ASPM: variants seen among roughly 807,000 people sequenced by gnomAD.
The protein encoded by ASPM is assembly factor for spindle microtubules.
In ASPM, 256 loss-of-function variants were observed where a neutral mutation model predicts 366.4. That is an observed-to-expected ratio of 0.70 (90% confidence interval 0.63 to 0.77). ASPM has a LOEUF of 0.77. ASPM is among the 30% of genes least tolerant of loss of function. ASPM has a pLI of 0.00. For synonymous variants in ASPM, 1,414 were observed against 1,342.9 expected (o/e 1.05, Z -1.16); for missense variants, 4,146 against 4,090.4 (o/e 1.01, Z -0.37).
intron 5 of ASPM, 58 bp downstream of exon 5, chr1:197,135,038 T>G: frequency 7.8e-7 from 1 of 1,275,962 alleles, no homozygotes; most frequent in South Asian, 1.3e-5. Context: ...ACAAACGATG[T>G]TAAAAATCTT....
chr1:197,144,116 T>C lies in ASPM; in HGVS notation c.298-16A>G. 1 of 1,540,520 alleles carries C rather than the reference T, an allele frequency of 6.5e-7. No individual in the cohort carries two copies. The highest frequency in any genetic ancestry group is 9.0e-7 in the Non-Finnish European group (1 of 1,114,092). On this transcript the variant is annotated splice_polypyrimidine_tract_variant and intron_variant, in intron 1 of 27. Coordinates refer to ENST00000367409, the MANE Select transcript of ASPM (RefSeq NM_018136.5). ...TCTCTTTAGGCTATAATCAAAACAA[T>C]ACATTATATAATTACAATAGTAATT...
chr1:197,121,815 T>C, intron 16 of ASPM, 100 bp downstream of exon 16: 1 of 1,385,566 alleles, frequency 7.2e-7, no homozygotes, highest in Non-Finnish European at 1.0e-6. Context: ...ATCTTAATAA[T>C]GCCATACATC....
rs1012940013 is a variant in ASPM at position 197,139,697 on chromosome 1, C to T, written c.2026+70G>A. On this transcript the variant is annotated intron_variant, in intron 4 of 27. Coordinates refer to ENST00000367409, the MANE Select transcript of ASPM (RefSeq NM_018136.5). ...TCAACAACAAAAATCAATTCATTTCCATGTGAAATGCAATTAATGCTTCAT... is the reference window on the plus strand; with the variant it reads ...TCAACAACAAAAATCAATTCATTTCTATGTGAAATGCAATTAATGCTTCAT... 1.0e-5 allele frequency: 12 copies of T among 1,176,812 alleles called. No homozygotes were observed. The African/African-American group carries it at 1.2e-4, about 12-fold the overall frequency. The allele number at this position is 1,176,812 out of a possible 1,614,324, so 72.9% of individuals were successfully genotyped here. A position where few individuals can be genotyped will look rare whatever the true frequency, so the allele number is the denominator to read the frequency against.
chr1:197,136,094 T>C (rs1658412010), intron 4 of ASPM, among the ~76,000 whole-genome samples: 1 of 152,320 alleles, frequency 6.6e-6, no homozygotes, highest in African/African-American at 2.4e-5. Flanking sequence ...GATTATGTAT[T>C]TAAAATAATG....
chr1:197,096,315 G>A (rs577185539), intron 18 of ASPM, 151 bp from the exon 19 acceptor site: 1 of 702,718 alleles, frequency 1.4e-6, no homozygotes, highest in East Asian at 2.6e-5. Context: ...ACTTTGACAT[G>A]TAATGAGTCT....
At position 197,101,820 on chromosome 1, in the gene ASPM, T is replaced by C. The variant is rs778768318; in HGVS notation, c.7431A>G (p.Leu2477=). ...GAACTGCAGCCCTTTGCATTTCTTG[T>C]AACTTCTTCTTTACCATCAGTCTTC... The part of the protein sequence containing the change: ...SYRRLMVKKK[L]QEMQRAAVLI... The change falls in exon 18 of 28, where the codon TTA becomes TTG. Residue 2477 remains leucine (L), a synonymous_variant. Coordinates refer to ENST00000367409, the MANE Select transcript of ASPM (RefSeq NM_018136.5). The C allele has an allele frequency of 4.3e-6, 7 of 1,612,772 alleles. No homozygotes were observed. The highest frequency in any genetic ancestry group is 5.1e-6 in the Non-Finnish European group (6 of 1,179,332).
intron 18 of ASPM, among the ~76,000 whole-genome samples, chr1:197,099,265 C>G (rs2125092608): frequency 6.6e-6 from 1 of 150,524 alleles, no homozygotes; most frequent in South Asian, 2.1e-4. Flanking sequence ...GTGGTCTTCT[C>G]CTGCTTAAAC....
intron 1 of ASPM, among the ~76,000 whole-genome samples, chr1:197,145,858 ATAT>A (rs1658758957): frequency 6.6e-6 from 1 of 150,806 alleles, no homozygotes; most frequent in African/African-American, 2.5e-5. Context: ...ATATATATAT[ATAT>A]ATATATAATA....
chr1:197,125,320 A>G, intron 10 of ASPM, 129 bp from the exon 11 acceptor site: 1 of 1,141,738 alleles, frequency 8.8e-7, no homozygotes, highest in East Asian at 2.5e-5. Flanking sequence ...AAGACTTCAA[A>G]AAACTATCTC....
Position 197,084,887 on chromosome 1 carries a change from C to T in ASPM, c.10332-461G>A, listed in dbSNP as rs143628612. 3.8e-3 allele frequency among the ~76,000 whole-genome samples: 583 copies of T among 152,226 alleles called. 3 individuals are homozygous for T. The highest frequency in any genetic ancestry group is 0.013 in the African/African-American group (534 of 41,542). ...GACTTTGTCATCATCAGAAAGTGTG[C>T]GACCACTGAAATCTTGAGACTTCCA... is the stretch of plus-strand genomic sequence containing the variant. On this transcript the variant is annotated intron_variant, in intron 27 of 27. Coordinates refer to ENST00000367409, the MANE Select transcript of ASPM (RefSeq NM_018136.5).
At position 197,102,936 on chromosome 1, in the gene ASPM, T is replaced by A; in HGVS notation, c.6315A>T (p.Arg2105Ser). 1 of 1,612,500 alleles carries A rather than the reference T, an allele frequency of 6.2e-7. No homozygotes were observed. Among genetic ancestry groups the A allele is most frequent in the Non-Finnish European group, 8.5e-7 (1 of 1,179,070 alleles). The change falls in exon 18 of 28, where the codon AGA (arginine) becomes AGT (serine). Residue 2105 changes from arginine (R) to serine (S), a missense_variant. By Grantham distance (110) the Arg-to-Ser change is moderately radical (BLOSUM62 -1). This residue lies in a region of ASPM where 3,624 missense variants were observed against 3,591.7 expected (regional missense o/e 1.01). Coordinates refer to ENST00000367409, the MANE Select transcript of ASPM (RefSeq NM_018136.5). The part of the protein sequence containing the change: ...KTAIKIQSVY[R>S]GIRVRRHIQH... The stretch of plus-strand genomic sequence containing the variant: ...GAATATGTCTTCTAACTCTAATACC[T>A]CTATAAACAGATTGGATTTTAATTG...
intron 12 of ASPM, 60 bp downstream of exon 12, chr1:197,124,810 T>C: frequency 1.5e-6 from 2 of 1,339,254 alleles, no homozygotes; most frequent in Non-Finnish European, 1.1e-6. Context: ...ATTCAAATTG[T>C]TTTTATAAAT....
At position 197,120,126 on chromosome 1, in the gene ASPM, C is replaced by CA. The variant is rs35349005; in HGVS notation, c.3870+1788dup. Among the ~76,000 whole-genome samples, 4 of 151,878 alleles carry CA rather than the reference C, an allele frequency of 2.6e-5. No individual in the cohort carries two copies. The East Asian group carries it at 7.8e-4, about 29-fold the overall frequency. Reference sequence around the variant, plus strand: ...AGTATAGAAACTTCTCTTAATTCTTCAAAAAAACTTCTCTTAATCCTTCAA... The same window carrying CA: ...AGTATAGAAACTTCTCTTAATTCTTCAAAAAAAACTTCTCTTAATCCTTCAA... On this transcript the variant is annotated intron_variant, in intron 16 of 27. Transcript: ENST00000367409.
intron 18 of ASPM, among the ~76,000 whole-genome samples, chr1:197,100,026 C>G (rs994113010): frequency 6.6e-5 from 10 of 151,694 alleles, no homozygotes; most frequent in African/African-American, 2.2e-4. Flanking sequence ...AAGCAGCAAA[C>G]AGCTCTGGTT....
At chr1:197,092,162 ATAAAC>A in intron 21 of ASPM, 106 bp from the exon 22 acceptor site, 1 of 1,076,884 alleles carries the variant, frequency 9.3e-7, no homozygotes, top group Non-Finnish European at 1.4e-6. Flanking sequence ...ACTAGCAAGA[ATAAAC>A]TAATTTTTAA....
intron 1 of ASPM, 73 bp downstream of exon 1, chr1:197,146,068 C>T (rs1463756227): frequency 2.5e-6 from 4 of 1,587,150 alleles, no homozygotes; most frequent in South Asian, 2.2e-5. Flanking sequence ...CGTCAACCTT[C>T]CTGAGGAGGG....
In ASPM at chr1:197,086,326, C is replaced by T. The variant is rs74136084; in HGVS notation, c.10331+477G>A. ...AGGGAGTAAAAACACTAATTAAATGCCATGACGGTTCACCAAAATAAATTA... is the reference window on the plus strand; with the variant it reads ...AGGGAGTAAAAACACTAATTAAATGTCATGACGGTTCACCAAAATAAATTA... On this transcript the variant is annotated intron_variant, in intron 27 of 27. Coordinates refer to ENST00000367409, the MANE Select transcript of ASPM (RefSeq NM_018136.5). 2.5e-3 allele frequency among the ~76,000 whole-genome samples: 374 copies of T among 151,970 alleles called. 1 individual carries two copies. The highest frequency in any genetic ancestry group is 8.5e-3 in the African/African-American group (354 of 41,476).
In ASPM at chr1:197,142,880, T is replaced by G; in HGVS notation, c.1372A>C (p.Lys458Gln). 2 of 1,613,138 alleles carry G rather than the reference T, an allele frequency of 1.2e-6. No individual in the cohort carries two copies. The highest frequency in any genetic ancestry group is 1.7e-6 in the Non-Finnish European group (2 of 1,179,126). Reference protein sequence around the residue: ...KAIFEELVEMKSNYYSFIKQN... With the variant: ...KAIFEELVEMQSNYYSFIKQN... ...TTTATAAAACTGTAGTAATTTGACT[T>G]CATTTCTACTAGTTCTTCAAAAATA... The change falls in exon 3 of 28, where the codon AAG (lysine) becomes CAG (glutamine). Residue 458 changes from lysine (K) to glutamine (Q), a missense_variant. Physicochemically the swap from Lys to Gln is moderately conservative, Grantham distance 53 (BLOSUM62 1). Coordinates refer to ENST00000367409, the MANE Select transcript of ASPM (RefSeq NM_018136.5).
chr1:197,146,110 C>T (rs571336022), intron 1 of ASPM, 31 bp downstream of exon 1: 7 of 1,613,552 alleles, frequency 4.3e-6, no homozygotes, highest in Middle Eastern at 1.7e-4. Context: ...AGCAGAACAC[C>T]GGCCTGGAGC....
Sources: allele counts gnomAD v4.1 joint callset (sites outside exome capture counted in the v4.1 genomes callset), GRCh38; gene constraint gnomAD v4.1.1; regional missense constraint gnomAD v4.1.1; transcripts MANE v1.5; gene names NCBI Gene and HGNC (gene_info 2026-07-23, HGNC 2026-07-21).